CUX1: variants seen among roughly 807,000 people sequenced by gnomAD.
CUX1 encodes cut like homeobox 1.
Under a neutral mutation model 158.8 loss-of-function variants are expected in CUX1, and 31 were observed. That is an observed-to-expected ratio of 0.20 (90% CI 0.15 to 0.26). The LOEUF is 0.26. CUX1 is among the 10% of genes least tolerant of loss of function. The pLI is 1.00. For missense variants in CUX1, 1,589 were observed against 2,014.6 expected, an observed-to-expected ratio of 0.79 and a Z score of 4.04; for synonymous variants, 879 against 862.1, an observed-to-expected ratio of 1.02 and a Z score of -0.34.
At chr7:101,953,200 T>C (rs1349440855) in intron 2 of CUX1, among the ~76,000 whole-genome samples, 1 of 152,208 alleles carries the variant, frequency 6.6e-6, no homozygotes, top group African/African-American at 2.4e-5. Flanking sequence ...CACTGATTGA[T>C]TAATGTTTGG....
At chr7:101,907,452 G>A (rs917927429) in intron 1 of CUX1, among the ~76,000 whole-genome samples, 16 of 152,070 alleles carry the variant, frequency 1.1e-4, no homozygotes, top group Admixed American at 4.6e-4. Flanking sequence ...GGGTTCAAGC[G>A]ATTCTCATGT....
intron 1 of CUX1, among the ~76,000 whole-genome samples, chr7:101,831,793 G>A (rs774722377): frequency 1.2e-3 from 187 of 150,220 alleles, no homozygotes; most frequent in Non-Finnish European, 2.1e-3. Context: ...CCAGGCTCCA[G>A]TACAGTGGTG....
In CUX1 at chr7:102,253,558, A is replaced by G. The variant is rs1006234035; in HGVS notation, c.*4516A>G. On this transcript the variant is annotated 3_prime_UTR_variant, in exon 24 of 24. Coordinates refer to ENST00000292535, the MANE Select transcript of CUX1 (RefSeq NM_181552.4). ...GTTGACATTCTATGCAATGTTTTTC[A>G]TTCCTCTGATTTTAGCAAAGCAAAT... The G allele has an allele frequency of 1.1e-5, 11 of 985,362 alleles. No homozygotes were observed. Among genetic ancestry groups the G allele is most frequent in the Non-Finnish European group, 1.1e-5 (9 of 829,938 alleles). 61.0% of individuals were successfully genotyped at this position (985,362 alleles called of 1,614,324 possible). A position where few individuals can be genotyped will look rare whatever the true frequency, so the allele number is the denominator to read the frequency against.
chr7:102,049,901 C>T (rs1823272508), intron 3 of CUX1, among the ~76,000 whole-genome samples: 1 of 152,072 alleles, frequency 6.6e-6, no homozygotes, highest in Admixed American at 6.5e-5. Flanking sequence ...CACACATCAG[C>T]AGATAAGGGC....
At chr7:102,102,552 G>A (rs1378836062) in intron 5 of CUX1, among the ~76,000 whole-genome samples, 1 of 151,616 alleles carries the variant, frequency 6.6e-6, no homozygotes, top group Non-Finnish European at 1.5e-5. Flanking sequence ...AGGAATGGAT[G>A]TGAGTTACAC....
rs1163347673 is a variant in CUX1, at chr7:101,817,876, C to T, written c.30+207C>T. Among the ~76,000 whole-genome samples the T allele has an allele frequency of 1.3e-5, 2 of 152,176 alleles. No homozygotes were observed. The highest frequency in any genetic ancestry group is 2.9e-5 in the Non-Finnish European group (2 of 68,030). Reference sequence around the variant, plus strand: ...GTGAAGATAAACTTGGCTGAACTTTCCTAACCTGGAGGACTGGTGACAGTG... The same window carrying T: ...GTGAAGATAAACTTGGCTGAACTTTTCTAACCTGGAGGACTGGTGACAGTG... On this transcript the variant is annotated intron_variant, in intron 1 of 23. Coordinates refer to ENST00000292535, the MANE Select transcript of CUX1 (RefSeq NM_181552.4). The surrounding 1 kb of genome is among the most constrained non-coding windows in gnomAD (Gnocchi z 4.1).
intron 1 of CUX1, among the ~76,000 whole-genome samples, chr7:101,821,875 G>T (rs1482122130): frequency 1.1e-5 from 1 of 91,104 alleles, no homozygotes; most frequent in Non-Finnish European, 2.2e-5. Flanking sequence ...TTTTTTTTGA[G>T]ATGTAGTCTG....
intron 8 of CUX1, among the ~76,000 whole-genome samples, chr7:102,146,502 A>C (rs1396464278): frequency 2.0e-5 from 3 of 152,236 alleles, no homozygotes; most frequent in African/African-American, 4.8e-5. Context: ...GAACACGTCA[A>C]CTTGTGGGGC....
chr7:101,818,543 C>T (rs1014021247), intron 1 of CUX1, among the ~76,000 whole-genome samples: 4 of 152,130 alleles, frequency 2.6e-5, no homozygotes, highest in Non-Finnish European at 4.4e-5. Context: ...AGGGTTCCAT[C>T]GAAAGTTTCC....
At position 102,252,804 on chromosome 7, in the gene CUX1, A is replaced by G; in HGVS notation, c.*3762A>G. On this transcript the variant is annotated 3_prime_UTR_variant, in exon 24 of 24. Coordinates refer to ENST00000292535, the MANE Select transcript of CUX1 (RefSeq NM_181552.4). ...GTGAAGACATCTGTGGTTTCTGCTC[A>G]CCAGACCTCTCTTTAGAAAGGGTTA... The G allele has an allele frequency of 1.0e-6, 1 of 985,434 alleles. No individual in the cohort carries two copies. The allele number at this position is 985,434 out of a possible 1,614,324, so 61.0% of individuals were successfully genotyped here. A position where few individuals can be genotyped will look rare whatever the true frequency, so the allele number is the denominator to read the frequency against.
At chr7:102,235,607 C>T (rs980310908) in intron 22 of CUX1, among the ~76,000 whole-genome samples, 2 of 150,992 alleles carry the variant, frequency 1.3e-5, no homozygotes, top group African/African-American at 4.9e-5. Context: ...GAGGCTGAGG[C>T]AGGAGAATCG....
chr7:102,045,129 A>G (rs1822585693), intron 3 of CUX1, among the ~76,000 whole-genome samples: 1 of 152,226 alleles, frequency 6.6e-6, no homozygotes, highest in African/African-American at 2.4e-5. Context: ...TGATGGCTCA[A>G]TTAGGGACCC....
Position 102,257,527 on chromosome 7 carries a change from G to A in CUX1, c.*8485G>A. On this transcript the variant is annotated 3_prime_UTR_variant, in exon 24 of 24. Coordinates refer to ENST00000292535, the MANE Select transcript of CUX1 (RefSeq NM_181552.4). The stretch of plus-strand genomic sequence containing the variant: ...ATAAAAGTGGGGGTAAAAAGAAGGT[G>A]GTTTTCCCCACATCCCTTTGCATTG... 1 of 985,330 alleles carries A rather than the reference G, an allele frequency of 1.0e-6. No homozygotes were observed. Among genetic ancestry groups the A allele is most frequent in the Non-Finnish European group, 1.2e-6 (1 of 829,906 alleles). The allele number at this position is 985,330 out of a possible 1,614,324, so 61.0% of individuals were successfully genotyped here.
chr7:101,913,325 G>A (rs184795787), intron 1 of CUX1: 28 of 1,264,256 alleles, frequency 2.2e-5, no homozygotes, highest in Non-Finnish European at 2.6e-5. Context: ...TTCCCATGCC[G>A]ACCTGCATAT....
intron 21 of CUX1, among the ~76,000 whole-genome samples, chr7:102,229,302 CTTTTTTT>C (rs11348387): frequency 8.3e-6 from 1 of 120,970 alleles, no homozygotes. Context: ...GGTGTTTCAT[CTTTTTTT>C]TTTTTTTTTT....
chr7:102,076,211 G>C (rs931354570), intron 4 of CUX1, among the ~76,000 whole-genome samples: 1 of 151,960 alleles, frequency 6.6e-6, no homozygotes, highest in African/African-American at 2.4e-5. Flanking sequence ...GTGAAACCTC[G>C]TCTCTACTAA....
chr7:101,939,274 C>T (rs1241353560), intron 2 of CUX1, among the ~76,000 whole-genome samples: 1 of 151,630 alleles, frequency 6.6e-6, no homozygotes, highest in Non-Finnish European at 1.5e-5. Context: ...GTCTTCGAGT[C>T]TGGCTTCTTT....
Position 102,073,200 on chromosome 7 carries a change from G to T in CUX1, c.268+2783G>T, listed in dbSNP as rs1367940075. 4.4e-5 allele frequency among the ~76,000 whole-genome samples: 3 copies of T among 67,508 alleles called. No homozygotes were observed. The Admixed American group carries it at 6.1e-4, about 14-fold the overall frequency. The allele number at this position is 67,508 out of a possible 152,430, so 44.3% of individuals were successfully genotyped here. Reference sequence around the variant, plus strand: ...TTTTTTTTTTTTTTTCTGAGACAGAGTCGCACTCTGTCAAAGAGGCTGGAG... The same window carrying T: ...TTTTTTTTTTTTTTTCTGAGACAGATTCGCACTCTGTCAAAGAGGCTGGAG... On this transcript the variant is annotated intron_variant, in intron 4 of 23. Coordinates refer to ENST00000292535, the MANE Select transcript of CUX1 (RefSeq NM_181552.4).
At chr7:102,278,531 T>C (rs1431736220) in intron 18 of CUX1, among the ~76,000 whole-genome samples, 1 of 149,822 alleles carries the variant, frequency 6.7e-6, no homozygotes, top group Non-Finnish European at 1.5e-5. Context: ...GGCGGAGGTT[T>C]CAGTGAGCCA....
Sources: allele counts gnomAD v4.1 joint callset (sites outside exome capture counted in the v4.1 genomes callset), GRCh38; gene constraint gnomAD v4.1.1; non-coding constraint Gnocchi (gnomAD v3.1); transcripts MANE v1.5; gene names NCBI Gene and HGNC (gene_info 2026-07-23, HGNC 2026-07-21).